Variants in A2M observed in about 807,000 individuals in gnomAD.
The protein encoded by A2M is alpha-2-macroglobulin.
A2M carries 128 observed loss-of-function variants against 183.9 expected under a neutral mutation model. That is an observed-to-expected ratio of 0.70 (90% CI 0.60 to 0.81). The LOEUF (loss-of-function observed/expected upper bound fraction) is 0.81, where lower values mean the gene tolerates loss of function less well. Among genes scored for constraint, A2M ranks in the 30% least tolerant of loss-of-function variants. The pLI is 0.00. For missense variants in A2M, 1,495 were observed against 1,787.6 expected (o/e 0.84, Z 2.95); for synonymous variants, 592 against 670.8 (o/e 0.88, Z 1.81).
At chr12:9,070,110 GT>G (rs1948523391) in intron 32 of A2M, among the ~76,000 whole-genome samples, 2 of 152,076 alleles carry the variant, frequency 1.3e-5, no homozygotes, top group South Asian at 4.1e-4. Flanking sequence ...TTCATAAGGA[GT>G]TTTTTTCCTG....
At chr12:9,074,322 T>C (rs73241925) in intron 29 of A2M, among the ~76,000 whole-genome samples, 59 of 152,262 alleles carry the variant, frequency 3.9e-4, no homozygotes, top group African/African-American at 1.3e-3. Flanking sequence ...AGTGTTGTTA[T>C]GGGAAATAGG....
chr12:9,072,979 A>G, intron 29 of A2M, 108 bp from the exon 30 acceptor site: 1 of 771,312 alleles, frequency 1.3e-6, no homozygotes, highest in Non-Finnish European at 2.1e-6. Flanking sequence ...TACTTCCCTC[A>G]CTACTTAAAT....
intron 22 of A2M, among the ~76,000 whole-genome samples, chr12:9,085,565 C>G (rs999718721): frequency 6.6e-6 from 1 of 151,608 alleles, no homozygotes; most frequent in Non-Finnish European, 1.5e-5. Flanking sequence ...GAAAAATTTC[C>G]AATAAAGATA....
intron 4 of A2M, among the ~76,000 whole-genome samples, chr12:9,111,074 A>T (rs1938691783): frequency 6.6e-6 from 1 of 152,188 alleles, no homozygotes; most frequent in Non-Finnish European, 1.5e-5. Flanking sequence ...ATGAGGAGGA[A>T]TGGACATATT....
intron 15 of A2M, among the ~76,000 whole-genome samples, chr12:9,097,071 CT>C (rs1949402955): frequency 6.6e-6 from 1 of 152,164 alleles, no homozygotes; most frequent in South Asian, 2.1e-4. Context: ...ATAAATAGGA[CT>C]GTCTGCCTTA....
intron 25 of A2M, among the ~76,000 whole-genome samples, chr12:9,078,112 T>G (rs989665090): frequency 1.3e-5 from 2 of 152,204 alleles, no homozygotes; most frequent in African/African-American, 4.8e-5. Flanking sequence ...GTGCAGAACG[T>G]GCAGGTTTGT....
At chr12:9,102,991 C>T (rs1938002657) in intron 11 of A2M, among the ~76,000 whole-genome samples, 1 of 152,164 alleles carries the variant, frequency 6.6e-6, no homozygotes, top group South Asian at 2.1e-4. Flanking sequence ...TATTGTATAT[C>T]CATGTATCTA....
At position 9,089,237 on chromosome 12, in the gene A2M, C is replaced by G. The variant is rs937089080; in HGVS notation, c.2733G>C (p.Glu911Asp). The change falls in exon 22 of 36, where the codon GAG becomes GAC. Residue 911 changes from glutamate (E) to aspartate (D), a missense_variant. Physicochemically the swap from Glu to Asp is conservative, Grantham distance 45. Transcript: ENST00000318602. ...GTAGGGAGTTGAATGTTGTTTCCTT[C>G]TCTAGTCCTTCAGGCTTTAGGTAAA... ...KPLLVEPEGL[E>D]KETTFNSLLC... The G allele has an allele frequency of 2.5e-6, 4 of 1,588,362 alleles. No homozygotes were observed. The African/African-American group carries it at 5.4e-5, about 21-fold the overall frequency.
At chr12:9,114,989 C>T (rs1208907420) in intron 1 of A2M, among the ~76,000 whole-genome samples, 2 of 152,156 alleles carry the variant, frequency 1.3e-5, no homozygotes, top group African/African-American at 2.4e-5. Context: ...TGAATTTATG[C>T]ATCCATGGAT....
At chr12:9,072,315 G>A (rs753276344) in intron 31 of A2M, 44 bp downstream of exon 31, 1 of 1,600,834 alleles carries the variant, frequency 6.2e-7, no homozygotes, top group South Asian at 1.1e-5. Flanking sequence ...AAAGAAGACT[G>A]GTGGTTATTC....
chr12:9,091,753 A>G (rs776409275), intron 18 of A2M, among the ~76,000 whole-genome samples: 1 of 152,286 alleles, frequency 6.6e-6, no homozygotes, highest in South Asian at 2.1e-4. Context: ...AAATTCTACT[A>G]CTATTGTGTA....
At position 9,093,445 on chromosome 12, in the gene A2M, A is replaced by T. The variant is rs200524075; in HGVS notation, c.2240+20T>A. On this transcript the variant is annotated intron_variant, in intron 18 of 35. Coordinates refer to ENST00000318602, the MANE Select transcript of A2M (RefSeq NM_000014.6). ...AGGGACCTCTATTGTTGCATATTGC[A>T]TATGCAGGAAGTTACTTACTTTACC... 6.5e-7 allele frequency: 1 copy of T among 1,544,496 alleles called. No individual in the cohort carries two copies. The highest frequency in any genetic ancestry group is 1.4e-5 in the African/African-American group (1 of 73,552).
At chr12:9,067,941 T>G in intron 35 of A2M, 102 bp from the exon 36 acceptor site, 1 of 1,179,374 alleles carries the variant, frequency 8.5e-7, no homozygotes, top group Non-Finnish European at 1.2e-6. Flanking sequence ...CAAGGAAACC[T>G]AATCAGTACA....
At chr12:9,073,330 A>G (rs913390491) in intron 29 of A2M, among the ~76,000 whole-genome samples, 1 of 151,900 alleles carries the variant, frequency 6.6e-6, no homozygotes, top group African/African-American at 2.4e-5. Context: ...TGCAGCCATG[A>G]GCAGAGTCAT....
At position 9,068,730 on chromosome 12, in the gene A2M, TCTCA is replaced by T. The variant is rs775058537; in HGVS notation, c.4366+6_4366+9del. Reference sequence around the variant, plus strand: ...TTAAATATTTCTACGTGAAAATCACTCTCACTCACCCGTCTCGTAGTAATCATAG... The same window carrying T: ...TTAAATATTTCTACGTGAAAATCACTCTCACCCGTCTCGTAGTAATCATAG... On this transcript the variant is annotated splice_donor_region_variant and intron_variant, in intron 34 of 35. Transcript: ENST00000318602. 3.6e-4 allele frequency: 565 copies of T among 1,578,742 alleles called. 3 individuals are homozygous for T. The East Asian group carries it at 0.011, about 32-fold the overall frequency.
Position 9,101,221 on chromosome 12 carries a change from A to C in A2M, c.1495-14T>G. The C allele has an allele frequency of 1.9e-6, 3 of 1,553,596 alleles. No homozygotes were observed. In the South Asian group the frequency reaches 3.6e-5, roughly 18 times the overall value. On this transcript the variant is annotated splice_polypyrimidine_tract_variant and intron_variant, in intron 12 of 35. Coordinates refer to ENST00000318602, the MANE Select transcript of A2M (RefSeq NM_000014.6). ...CTTTGCCATTATCTGCAAAAAAGGAAATAAAAAGAAATTAAATGTGCCAGA... is the reference window on the plus strand; with the variant it reads ...CTTTGCCATTATCTGCAAAAAAGGACATAAAAAGAAATTAAATGTGCCAGA...
intron 34 of A2M, 126 bp from the exon 35 acceptor site, chr12:9,068,350 A>G: frequency 1.1e-6 from 1 of 930,786 alleles, no homozygotes; most frequent in Non-Finnish European, 1.6e-6. Context: ...TACCAGAAAC[A>G]TAAGCATCAT....
intron 7 of A2M, among the ~76,000 whole-genome samples, chr12:9,108,979 T>C (rs1938516731): frequency 1.3e-5 from 2 of 152,152 alleles, no homozygotes; most frequent in Non-Finnish European, 2.9e-5. Flanking sequence ...ATACGTTTGG[T>C]TATTTTTGGT....
intron 5 of A2M, 41 bp from the exon 6 acceptor site, chr12:9,110,076 A>C: frequency 6.4e-7 from 1 of 1,565,102 alleles, no homozygotes; most frequent in Non-Finnish European, 8.7e-7. Context: ...AAGCACCTGG[A>C]GCATTGGAGC....
Sources: gnomAD v4.1 joint callset for allele counts (sites outside exome capture counted in the v4.1 genomes callset) on GRCh38, gnomAD v4.1.1 for gene constraint, MANE v1.5 for transcripts, NCBI Gene and HGNC (gene_info 2026-07-23, HGNC 2026-07-21) for gene names.